Variants in ACSM5 observed in about 807,000 individuals in gnomAD.
The protein encoded by ACSM5 is acyl-coenzyme A synthetase ACSM5, mitochondrial.
A neutral mutation model predicts 71.6 loss-of-function variants in ACSM5; 56 were observed. The observed-to-expected ratio is 0.78, with a 90% CI of 0.63 to 0.98. The LOEUF is 0.98. Ranked by LOEUF, ACSM5 falls within the 50% of genes least tolerant of loss-of-function variation. The pLI is 0.00. For synonymous variants in ACSM5, 285 were observed against 281.5 expected (o/e 1.01, Z -0.12); for missense variants, 723 against 726.0 (o/e 1.00, Z 0.05).
chr16:20,435,279 T>C (rs75878597), intron 10 of ACSM5, among the ~76,000 whole-genome samples: 13,455 of 152,206 alleles, frequency 0.088, 729 homozygotes, highest in East Asian at 0.19. Flanking sequence ...GTGATCCACC[T>C]GCCTTGGCCT....
chr16:20,427,762 A>G (rs768800899), intron 6 of ACSM5, 26 bp from the exon 7 acceptor site: 150 of 1,518,030 alleles, frequency 9.9e-5, no homozygotes, highest in Middle Eastern at 8.4e-4. Context: ...TTCTAAGGAC[A>G]TCTTTCACCC....
chr16:20,418,296 G>T (rs373380578), intron 3 of ACSM5, 27 bp downstream of exon 3: 53 of 1,588,124 alleles, frequency 3.3e-5, no homozygotes, highest in Non-Finnish European at 4.0e-5. Flanking sequence ...GGGAATTTTA[G>T]TTGGGGGCAG....
chr16:20,422,681 G>T (rs1189713776), intron 5 of ACSM5, among the ~76,000 whole-genome samples: 4 of 152,178 alleles, frequency 2.6e-5, no homozygotes, highest in Non-Finnish European at 5.9e-5. Flanking sequence ...AGGATGTTGG[G>T]TTGACAATGT....
chr16:20,409,994 G>T (rs1011633520), intron 1 of ACSM5, among the ~76,000 whole-genome samples: 1 of 152,052 alleles, frequency 6.6e-6, no homozygotes, highest in Non-Finnish European at 1.5e-5. Flanking sequence ...CACTGCAGAG[G>T]CTGGGGCCTA....
chr16:20,430,058 G>A (rs1265922158), intron 8 of ACSM5, among the ~76,000 whole-genome samples: 1 of 152,134 alleles, frequency 6.6e-6, no homozygotes, highest in Non-Finnish European at 1.5e-5. Context: ...GAAGGTGAGA[G>A]GAGGGGCGTG....
At chr16:20,421,174 A>G in intron 4 of ACSM5, 84 bp from the exon 5 acceptor site, 1 of 1,432,338 alleles carries the variant, frequency 7.0e-7, no homozygotes, top group Non-Finnish European at 9.3e-7. Context: ...ATGAAACGGT[A>G]GTCATATTGT....
Position 20,411,505 on chromosome 16 carries a change from C to A in ACSM5, c.21C>A (p.His7Gln). The change falls in exon 2 of 14, where the codon CAC becomes CAA. Residue 7 changes from histidine (H) to glutamine (Q), a missense_variant. Transcript: ENST00000331849. MRPWLR[H>Q]LVLQALRNSR... ...ACTGCATGAGACCATGGCTGAGACA[C>A]CTAGTCCTCCAGGCACTGAGGAACT... 2.5e-6 allele frequency: 4 copies of A among 1,614,088 alleles called. No homozygotes were observed. The highest frequency in any genetic ancestry group is 3.4e-6 in the Non-Finnish European group (4 of 1,179,994).
At chr16:20,436,229 C>T (rs1596624873) in intron 10 of ACSM5, among the ~76,000 whole-genome samples, 1 of 143,420 alleles carries the variant, frequency 7.0e-6, no homozygotes, top group African/African-American at 2.6e-5. Context: ...CTTCCCTTCC[C>T]TTCCCTCCCC....
intron 2 of ACSM5, among the ~76,000 whole-genome samples, chr16:20,416,897 G>C (rs1966857532): frequency 6.6e-6 from 1 of 151,568 alleles, no homozygotes; most frequent in Admixed American, 6.6e-5. Context: ...AATCTGAAGA[G>C]ACATTTCTTC....
At chr16:20,423,854 T>C in intron 5 of ACSM5, 62 bp from the exon 6 acceptor site, 1 of 1,596,520 alleles carries the variant, frequency 6.3e-7, no homozygotes, top group Non-Finnish European at 8.5e-7. Context: ...ATATAGATAA[T>C]ACAATCCTTT....
chr16:20,437,311 C>T lies in ACSM5; in HGVS notation c.1480C>T (p.His494Tyr). 1 of 1,614,140 alleles carries T rather than the reference C, an allele frequency of 6.2e-7. No individual in the cohort carries two copies. The change falls in exon 12 of 14, where the codon CAT becomes TAT. Residue 494 changes from histidine (H) to tyrosine (Y), a missense_variant. By Grantham distance (83) the His-to-Tyr change is moderately conservative. Coordinates refer to ENST00000331849, the MANE Select transcript of ACSM5 (RefSeq NM_017888.3). ...TGAAGTGGAAAGTGCCCTGGCAGAGCATCCTGCTGTCCTGGAGTCGGCTGT... is the reference window on the plus strand; with the variant it reads ...TGAAGTGGAAAGTGCCCTGGCAGAGTATCCTGCTGTCCTGGAGTCGGCTGT... ...PVEVESALAE[H>Y]PAVLESAVVS...
chr16:20,440,486 A>G lies in ACSM5; in HGVS notation c.*59A>G. 1 of 1,461,636 alleles carries G rather than the reference A, an allele frequency of 6.8e-7. No individual in the cohort carries two copies. The highest frequency in any genetic ancestry group is 9.6e-7 in the Non-Finnish European group (1 of 1,040,930). 90.5% of individuals were successfully genotyped at this position (1,461,636 alleles called of 1,614,324 possible). ...AGACTCCACAAGAAACTAATGGATC[A>G]CTGGTCAGTCCCCATGGGGAGCATC... On this transcript the variant is annotated 3_prime_UTR_variant, in exon 14 of 14. Coordinates refer to ENST00000331849, the MANE Select transcript of ACSM5 (RefSeq NM_017888.3).
At chr16:20,431,387 T>C (rs1967098366) in intron 10 of ACSM5, 66 bp downstream of exon 10, 5 of 1,262,256 alleles carry the variant, frequency 4.0e-6, no homozygotes, top group Middle Eastern at 1.9e-4. Context: ...CACCACACTT[T>C]GTAAATATCT....
intron 7 of ACSM5, 150 bp downstream of exon 7, chr16:20,428,017 C>G: frequency 1.5e-6 from 1 of 676,702 alleles, no homozygotes; most frequent in Non-Finnish European, 2.6e-6. Context: ...TTGTCTCTCT[C>G]TCACACACAC....
In ACSM5 at chr16:20,439,971, C is replaced by T. The variant is rs1967290022; in HGVS notation, c.1656+52C>T. The T allele has an allele frequency of 5.0e-6, 8 of 1,605,776 alleles. 1 individual carries two copies. Among genetic ancestry groups the T allele is most frequent in the Admixed American group, 1.7e-5 (1 of 59,870 alleles). ...GTGATCTGGGAATCAGATGGGCACG[C>T]TCTGCCTGGGCTCCCACTCAGAGCC... On this transcript the variant is annotated intron_variant, in intron 13 of 13. Transcript: ENST00000331849.
At chr16:20,415,694 T>G (rs1206515389) in intron 2 of ACSM5, among the ~76,000 whole-genome samples, 1 of 152,152 alleles carries the variant, frequency 6.6e-6, no homozygotes, top group African/African-American at 2.4e-5. Flanking sequence ...GTCAAGAATG[T>G]GGAATTGGGA....
intron 10 of ACSM5, among the ~76,000 whole-genome samples, chr16:20,432,735 C>T (rs1056987941): frequency 4.6e-5 from 7 of 151,838 alleles, no homozygotes; most frequent in Non-Finnish European, 8.8e-5. Context: ...GAGATTGTTC[C>T]ACTGAGTGTA....
At chr16:20,425,058 C>T (rs1354837056) in intron 6 of ACSM5, among the ~76,000 whole-genome samples, 1 of 152,058 alleles carries the variant, frequency 6.6e-6, no homozygotes, top group East Asian at 1.9e-4. Flanking sequence ...CTATAGTCAC[C>T]CTGATGTGCT....
intron 12 of ACSM5, among the ~76,000 whole-genome samples, chr16:20,438,241 C>T (rs1306636280): frequency 6.6e-6 from 1 of 152,016 alleles, no homozygotes; most frequent in Non-Finnish European, 1.5e-5. Context: ...TAAAGCACAA[C>T]AGTTACCTTT....
Sources: allele counts gnomAD v4.1 joint callset (sites outside exome capture counted in the v4.1 genomes callset), GRCh38; gene constraint gnomAD v4.1.1; transcripts MANE v1.5; gene names NCBI Gene and HGNC (gene_info 2026-07-23, HGNC 2026-07-21).